MYO1E: variants seen among roughly 807,000 people sequenced by gnomAD.
The protein encoded by MYO1E is myosin IE.
MYO1E carries 68 observed loss-of-function variants against 151.1 expected under a neutral mutation model. That is an observed-to-expected ratio of 0.45 (90% CI 0.37 to 0.55). MYO1E has a LOEUF of 0.55. Ranked by LOEUF, MYO1E falls within the 20% of genes least tolerant of loss-of-function variation. MYO1E has a pLI of 0.00. For synonymous variants in MYO1E, 601 were observed against 501.7 expected, an observed-to-expected ratio of 1.20 and a Z score of -2.64; for missense variants, 1,363 against 1,389.3, an observed-to-expected ratio of 0.98 and a Z score of 0.30.
chr15:59,355,833 A>AGCCTCCC (rs1220318625), intron 1 of MYO1E, among the ~76,000 whole-genome samples: 4 of 152,004 alleles, frequency 2.6e-5, no homozygotes, highest in Admixed American at 2.6e-4. Flanking sequence ...TTCCCACCTC[A>AGCCTCCC]GCCTCCCAAG....
At chr15:59,220,552 AT>A (rs1289138774) in intron 9 of MYO1E, among the ~76,000 whole-genome samples, 3 of 151,652 alleles carry the variant, frequency 2.0e-5, no homozygotes, top group Admixed American at 6.6e-5. Flanking sequence ...ATTTTTTTCC[AT>A]TTTTTTTCTG....
intron 14 of MYO1E, chr15:59,208,121 G>A: frequency 6.6e-7 from 1 of 1,521,028 alleles, no homozygotes; most frequent in Non-Finnish European, 8.8e-7. Flanking sequence ...AATTATTGAA[G>A]AGATCATAGA....
chr15:59,154,587 C>A (rs1193499856), intron 25 of MYO1E, among the ~76,000 whole-genome samples: 7 of 152,162 alleles, frequency 4.6e-5, no homozygotes, highest in Non-Finnish European at 4.4e-5. Context: ...CTTTGGTGAA[C>A]CCTACCTAAA....
intron 4 of MYO1E, among the ~76,000 whole-genome samples, chr15:59,248,837 C>T (rs2080146852): frequency 6.6e-6 from 1 of 152,212 alleles, no homozygotes; most frequent in South Asian, 2.1e-4. Context: ...ATACGATCAT[C>T]CCTTCGCTCA....
intron 1 of MYO1E, among the ~76,000 whole-genome samples, chr15:59,322,745 A>C (rs918436498): frequency 5.3e-5 from 8 of 152,220 alleles, no homozygotes; most frequent in African/African-American, 1.2e-4. Context: ...AAAAAGGTAC[A>C]TGGGTTTTGA....
intron 3 of MYO1E, among the ~76,000 whole-genome samples, chr15:59,257,792 C>T (rs189954645): frequency 7.9e-4 from 120 of 152,210 alleles, no homozygotes; most frequent in African/African-American, 2.7e-3. Context: ...ATGCAGGAAC[C>T]AGAATATGTG....
chr15:59,243,358 T>A (rs1296981359), intron 4 of MYO1E, among the ~76,000 whole-genome samples: 1 of 152,178 alleles, frequency 6.6e-6, no homozygotes, highest in African/African-American at 2.4e-5. Context: ...TACGATGTGT[T>A]CATTGTGTGT....
chr15:59,340,518 G>A (rs1243979226), intron 1 of MYO1E, among the ~76,000 whole-genome samples: 4 of 152,070 alleles, frequency 2.6e-5, no homozygotes, highest in Non-Finnish European at 5.9e-5. Context: ...TTTCTATGAC[G>A]TCACTCACTG....
At chr15:59,330,243 T>C (rs2080690061) in intron 1 of MYO1E, among the ~76,000 whole-genome samples, 1 of 152,112 alleles carries the variant, frequency 6.6e-6, no homozygotes, top group African/African-American at 2.4e-5. Flanking sequence ...AGTGCTGTAA[T>C]TGAAGATCTT....
chr15:59,282,572 G>A (rs916091160), intron 1 of MYO1E, among the ~76,000 whole-genome samples: 2 of 151,942 alleles, frequency 1.3e-5, no homozygotes, highest in African/African-American at 4.8e-5. Context: ...AAGACCAGGT[G>A]TGGTGGCTCA....
At chr15:59,231,567 A>C (rs750854839) in intron 6 of MYO1E, 135 bp downstream of exon 6, 7 of 957,826 alleles carry the variant, frequency 7.3e-6, no homozygotes, top group Non-Finnish European at 1.2e-5. Flanking sequence ...GCTATAGAAA[A>C]TGAAGGAAAG....
chr15:59,214,614 C>T, intron 11 of MYO1E, 26 bp downstream of exon 11: 2 of 1,556,740 alleles, frequency 1.3e-6, no homozygotes, highest in Admixed American at 1.7e-5. Context: ...CCCTCCTCAA[C>T]CCCTAGTTAT....
At chr15:59,143,925 C>T (rs77297011) in intron 26 of MYO1E, among the ~76,000 whole-genome samples, 10,900 of 152,254 alleles carry the variant, frequency 0.072, 932 homozygotes, top group African/African-American at 0.2. Context: ...GCCATACCCT[C>T]TCCTAGCCCA....
chr15:59,251,675 A>G (rs767204857), intron 4 of MYO1E, among the ~76,000 whole-genome samples: 7 of 152,228 alleles, frequency 4.6e-5, no homozygotes, highest in Non-Finnish European at 1.0e-4. Flanking sequence ...AATACTTCAG[A>G]TATGTATTTA....
chr15:59,328,856 AGG>A (rs2080682332), intron 1 of MYO1E, among the ~76,000 whole-genome samples: 1 of 152,168 alleles, frequency 6.6e-6, no homozygotes, highest in African/African-American at 2.4e-5. Flanking sequence ...AAACTAAGGC[AGG>A]GGTGTGTTAC....
intron 4 of MYO1E, among the ~76,000 whole-genome samples, chr15:59,254,494 G>C (rs1235698424): frequency 2.6e-5 from 4 of 152,154 alleles, no homozygotes; most frequent in African/African-American, 9.7e-5. Flanking sequence ...CCTTGGAAAT[G>C]AATCTACTGC....
At chr15:59,256,617 C>A (rs1280565622) in intron 3 of MYO1E, among the ~76,000 whole-genome samples, 1 of 152,146 alleles carries the variant, frequency 6.6e-6, no homozygotes, top group Non-Finnish European at 1.5e-5. Flanking sequence ...TGGAAGCAGT[C>A]TCCCGTAGGC....
chr15:59,197,240 G>A (rs781149577), intron 16 of MYO1E, among the ~76,000 whole-genome samples: 1 of 152,072 alleles, frequency 6.6e-6, no homozygotes, highest in Admixed American at 6.5e-5. Flanking sequence ...TGATCCACCC[G>A]CCTCAGCCTC....
intron 2 of MYO1E, among the ~76,000 whole-genome samples, chr15:59,263,467 G>A (rs1443196856): frequency 2.6e-5 from 4 of 152,108 alleles, no homozygotes; most frequent in African/African-American, 9.7e-5. Context: ...CTGTTTTAGA[G>A]GCAATGGTTT....
Sources: allele counts gnomAD v4.1 joint callset (sites outside exome capture counted in the v4.1 genomes callset), GRCh38; gene constraint gnomAD v4.1.1; transcripts MANE v1.5; gene names NCBI Gene and HGNC (gene_info 2026-07-23, HGNC 2026-07-21).